CACNA2D3: variants seen among roughly 807,000 people sequenced by gnomAD.
CACNA2D3 encodes the protein voltage-dependent calcium channel subunit alpha-2/delta-3.
Under a neutral mutation model 160.6 loss-of-function variants are expected in CACNA2D3, and 60 were observed. That is an observed-to-expected ratio of 0.37 (90% confidence interval 0.30 to 0.46). CACNA2D3 has a LOEUF of 0.46. Ranked by LOEUF, CACNA2D3 falls within the 20% of genes least tolerant of loss-of-function variation. CACNA2D3 has a pLI of 1.00. For synonymous variants in CACNA2D3, 558 were observed against 492.9 expected, an observed-to-expected ratio of 1.13 and a Z score of -1.75; for missense variants, 1,205 against 1,365.0, an observed-to-expected ratio of 0.88 and a Z score of 1.85.
intron 2 of CACNA2D3, among the ~76,000 whole-genome samples, chr3:54,287,728 C>G (rs1703070675): frequency 6.8e-6 from 1 of 146,614 alleles, no homozygotes; most frequent in South Asian, 2.3e-4. Context: ...CAAACTATCT[C>G]TCAGACCACA....
intron 11 of CACNA2D3, among the ~76,000 whole-genome samples, chr3:54,735,295 C>T (rs989165839): frequency 6.6e-6 from 1 of 152,166 alleles, no homozygotes; most frequent in African/African-American, 2.4e-5. Flanking sequence ...AAGCCATGAC[C>T]TCTGGGAAGC....
chr3:54,926,111 C>T (rs1668829881), intron 27 of CACNA2D3, among the ~76,000 whole-genome samples: 1 of 152,160 alleles, frequency 6.6e-6, no homozygotes, highest in Non-Finnish European at 1.5e-5. Flanking sequence ...TATTTTCCAG[C>T]ATAAGCCCTT....
intron 29 of CACNA2D3, among the ~76,000 whole-genome samples, chr3:54,972,451 G>A (rs963226635): frequency 2.0e-5 from 3 of 152,048 alleles, no homozygotes; most frequent in African/African-American, 7.2e-5. Flanking sequence ...TCTCTTTTTT[G>A]TAACTTTTAA....
intron 2 of CACNA2D3, among the ~76,000 whole-genome samples, chr3:54,271,826 C>G (rs994124328): frequency 3.9e-5 from 6 of 152,234 alleles, no homozygotes; most frequent in African/African-American, 1.4e-4. Flanking sequence ...CATCCTTGCT[C>G]CCAATCACCT....
At chr3:54,653,486 A>G (rs1699815179) in intron 11 of CACNA2D3, among the ~76,000 whole-genome samples, 1 of 152,182 alleles carries the variant, frequency 6.6e-6, no homozygotes, top group Non-Finnish European at 1.5e-5. Context: ...GAAAATAGGA[A>G]CACTCATTTC....
At chr3:54,805,135 A>G (rs1019234052) in intron 13 of CACNA2D3, among the ~76,000 whole-genome samples, 80 of 152,344 alleles carry the variant, frequency 5.3e-4, no homozygotes, top group Non-Finnish European at 4.6e-4. Context: ...CATCACAATT[A>G]AAAGAACTGG....
intron 27 of CACNA2D3, among the ~76,000 whole-genome samples, chr3:54,957,873 C>G (rs1307344458): frequency 1.3e-5 from 2 of 152,202 alleles, no homozygotes; most frequent in Admixed American, 1.3e-4. Flanking sequence ...AAGCACAAAT[C>G]TATTTGTGTC....
chr3:54,490,595 T>C (rs905435580), intron 4 of CACNA2D3, among the ~76,000 whole-genome samples: 5 of 152,154 alleles, frequency 3.3e-5, no homozygotes, highest in African/African-American at 4.8e-5. Flanking sequence ...CACCTTTGAC[T>C]GAGGACCTCT....
chr3:54,495,351 T>A (rs1701187035), intron 4 of CACNA2D3, among the ~76,000 whole-genome samples: 1 of 152,206 alleles, frequency 6.6e-6, no homozygotes, highest in African/African-American at 2.4e-5. Context: ...TAATTTTTTT[T>A]ATTGAGGCAT....
At chr3:54,205,985 T>C (rs1701269162) in intron 2 of CACNA2D3, among the ~76,000 whole-genome samples, 1 of 152,238 alleles carries the variant, frequency 6.6e-6, no homozygotes, top group South Asian at 2.1e-4. Context: ...ATTTGAAGTT[T>C]AAATGTAACT....
chr3:54,891,428 G>C lies in CACNA2D3; in HGVS notation c.2224G>C (p.Gly742Arg). 1 of 1,613,770 alleles carries C rather than the reference G, an allele frequency of 6.2e-7. No homozygotes were observed. Among genetic ancestry groups the C allele is most frequent in the Non-Finnish European group, 8.5e-7 (1 of 1,179,786 alleles). ...TGLSRINLFV[G>R]AEQLTNQDFL... Reference sequence around the variant, plus strand: ...CCTCTCCAGAATCAACCTGTTTGTCGGGGCTGAGCAGCTCACCAATCAGTA... The same window carrying C: ...CCTCTCCAGAATCAACCTGTTTGTCCGGGCTGAGCAGCTCACCAATCAGTA... Residue 742 changes from glycine (G) to arginine (R), a missense_variant, in exon 25 of 38, where the codon GGG (glycine) becomes CGG (arginine). Gly to Arg is a moderately radical substitution (Grantham distance 125). Transcript: ENST00000474759.
intron 5 of CACNA2D3, among the ~76,000 whole-genome samples, chr3:54,534,689 A>G (rs1701859843): frequency 6.6e-6 from 1 of 152,106 alleles, no homozygotes; most frequent in Non-Finnish European, 1.5e-5. Flanking sequence ...TTGGGAGGCC[A>G]AGGCTAGAGG....
chr3:54,521,758 A>G (rs1009102326), intron 5 of CACNA2D3, among the ~76,000 whole-genome samples: 3 of 152,052 alleles, frequency 2.0e-5, no homozygotes, highest in East Asian at 3.9e-4. Flanking sequence ...TAAGAGTCCA[A>G]CCTCATTCTT....
intron 27 of CACNA2D3, among the ~76,000 whole-genome samples, chr3:54,934,834 T>C (rs1245290327): frequency 6.6e-6 from 1 of 152,064 alleles, no homozygotes; most frequent in African/African-American, 2.4e-5. Context: ...AAGGTTCAAG[T>C]GATTCTCATG....
At chr3:54,584,043 TAAG>T (rs1427026362) in intron 9 of CACNA2D3, among the ~76,000 whole-genome samples, 1 of 151,960 alleles carries the variant, frequency 6.6e-6, no homozygotes, top group African/African-American at 2.4e-5. Flanking sequence ...TGGGGCCAAA[TAAG>T]AAGTTGATCT....
intron 11 of CACNA2D3, among the ~76,000 whole-genome samples, chr3:54,705,332 T>C (rs913941951): frequency 1.3e-5 from 2 of 152,226 alleles, no homozygotes; most frequent in Non-Finnish European, 2.9e-5. Flanking sequence ...TTAGGAGTTA[T>C]ATCATTGAAC....
rs1700482552 is a variant in CACNA2D3, at chr3:54,167,487, C to T, written c.204+43893C>T. 3.3e-5 allele frequency among the ~76,000 whole-genome samples: 5 copies of T among 152,240 alleles called. No individual in the cohort carries two copies. In the South Asian group the frequency reaches 1.0e-3, roughly 32 times the overall value. On this transcript the variant is annotated intron_variant, in intron 2 of 37. Transcript: ENST00000474759. ...CCTGGGGATTTGTAATGACTAAGCTCAGGTTTGGGAGATAATGTGTCCAAC... is the reference window on the plus strand; with the variant it reads ...CCTGGGGATTTGTAATGACTAAGCTTAGGTTTGGGAGATAATGTGTCCAAC...
intron 4 of CACNA2D3, among the ~76,000 whole-genome samples, chr3:54,468,739 G>T (rs528593654): frequency 2.0e-5 from 3 of 152,270 alleles, no homozygotes; most frequent in African/African-American, 4.8e-5. Flanking sequence ...CAAGCTTGGT[G>T]GGGGGAGGTG....
At chr3:54,824,156 C>T (rs1559596349) in intron 14 of CACNA2D3, among the ~76,000 whole-genome samples, 1 of 152,280 alleles carries the variant, frequency 6.6e-6, no homozygotes, top group Admixed American at 6.5e-5. Flanking sequence ...GGTTGTCTTA[C>T]GTGGGACAAG....
Sources: allele counts gnomAD v4.1 joint callset (sites outside exome capture counted in the v4.1 genomes callset), GRCh38; gene constraint gnomAD v4.1.1; transcripts MANE v1.5; gene names NCBI Gene and HGNC (gene_info 2026-07-23, HGNC 2026-07-21).